ZNF804B: variants seen among roughly 807,000 people sequenced by gnomAD.
ZNF804B encodes the protein zinc finger 804B.
A neutral mutation model predicts 101.4 loss-of-function variants in ZNF804B; 80 were observed. The ratio of observed to expected loss-of-function variants is 0.79; its 90% CI spans 0.66 to 0.95. The LOEUF (loss-of-function observed/expected upper bound fraction) is 0.95, where lower values mean the gene tolerates loss of function less well. Ranked by LOEUF, ZNF804B falls within the 40% of genes least tolerant of loss-of-function variation. The probability of loss-of-function intolerance (pLI) is 0.00; values close to 1 mark genes in which losing one functional copy is unlikely to be tolerated. For synonymous variants in ZNF804B, 622 were observed against 558.8 expected (o/e 1.11, Z -1.59); for missense variants, 1,673 against 1,561.9 (o/e 1.07, Z -1.20).
chr7:89,011,975 G>A (rs950000094), intron 1 of ZNF804B, among the ~76,000 whole-genome samples: 5 of 152,122 alleles, frequency 3.3e-5, no homozygotes, highest in African/African-American at 1.2e-4. Context: ...CTCAATGAGG[G>A]CTCTACCCCT....
chr7:88,931,007 A>T (rs1792876501), intron 1 of ZNF804B, among the ~76,000 whole-genome samples: 1 of 151,834 alleles, frequency 6.6e-6, no homozygotes, highest in African/African-American at 2.4e-5. Flanking sequence ...TTAAGAATTG[A>T]ACCATAACAT....
intron 1 of ZNF804B, among the ~76,000 whole-genome samples, chr7:89,168,325 T>C (rs1485616822): frequency 1.8e-5 from 1 of 54,516 alleles, no homozygotes; most frequent in African/African-American, 5.4e-5. Context: ...TGTGTGTGTA[T>C]ATATATATAT....
chr7:89,145,683 T>C (rs1169665286), intron 1 of ZNF804B, among the ~76,000 whole-genome samples: 1 of 152,028 alleles, frequency 6.6e-6, no homozygotes, highest in East Asian at 1.9e-4. Flanking sequence ...CACAAACATA[T>C]ACTTATTTCC....
At chr7:88,889,955 T>C (rs796201127) in intron 1 of ZNF804B, among the ~76,000 whole-genome samples, 46 of 152,274 alleles carry the variant, frequency 3.0e-4, no homozygotes, top group African/African-American at 1.1e-3. Flanking sequence ...TTTTGTATAT[T>C]GTGAGAGATA....
At chr7:89,156,046 T>TTCTTTCTC (rs1229200006) in intron 1 of ZNF804B, among the ~76,000 whole-genome samples, 8 of 88,718 alleles carry the variant, frequency 9.0e-5, no homozygotes, top group African/African-American at 3.3e-4. Context: ...CTTTCTTTCT[T>TTCTTTCTC]TCTTTCTTTC....
At chr7:88,885,261 T>C (rs1027735535) in intron 1 of ZNF804B, among the ~76,000 whole-genome samples, 2 of 151,848 alleles carry the variant, frequency 1.3e-5, no homozygotes, top group Non-Finnish European at 2.9e-5. Flanking sequence ...AAAATGTCCT[T>C]TGTTTTTCCC....
At chr7:89,200,481 G>C (rs1421739356) in intron 1 of ZNF804B, among the ~76,000 whole-genome samples, 1 of 151,846 alleles carries the variant, frequency 6.6e-6, no homozygotes, top group Admixed American at 6.6e-5. Context: ...GTCTCATGAC[G>C]ACAAACTTCT....
chr7:89,105,673 C>A (rs1333886174), intron 1 of ZNF804B, among the ~76,000 whole-genome samples: 2 of 152,114 alleles, frequency 1.3e-5, no homozygotes, highest in Non-Finnish European at 2.9e-5. Context: ...TTTCGTCTCA[C>A]ACAGCAAGCA....
At chr7:88,927,633 G>GCTCT (rs148581670) in intron 1 of ZNF804B, among the ~76,000 whole-genome samples, 1 of 149,710 alleles carries the variant, frequency 6.7e-6, no homozygotes, top group Non-Finnish European at 1.5e-5. Context: ...TTTCTCTCTT[G>GCTCT]CTCTCTCTCT....
intron 1 of ZNF804B, among the ~76,000 whole-genome samples, chr7:88,936,333 A>G (rs1415212549): frequency 6.6e-6 from 1 of 152,072 alleles, no homozygotes. Flanking sequence ...TGAGGTTTCA[A>G]TAACAGAGTC....
intron 1 of ZNF804B, among the ~76,000 whole-genome samples, chr7:88,865,875 C>T (rs1449927603): frequency 3.3e-5 from 5 of 152,228 alleles, no homozygotes; most frequent in Admixed American, 6.5e-5. Context: ...CTGAATGTCA[C>T]GCCCCTCCTT....
intron 1 of ZNF804B, among the ~76,000 whole-genome samples, chr7:89,047,976 G>T (rs1229035233): frequency 1.3e-5 from 2 of 151,412 alleles, no homozygotes; most frequent in African/African-American, 4.9e-5. Flanking sequence ...ATTTCCATAG[G>T]TTATTTGGGA....
At chr7:88,810,136 G>C (rs1790761717) in intron 1 of ZNF804B, among the ~76,000 whole-genome samples, 1 of 151,922 alleles carries the variant, frequency 6.6e-6, no homozygotes, top group Non-Finnish European at 1.5e-5. Context: ...GATGTGTTTA[G>C]TTTGAAATAT....
intron 1 of ZNF804B, among the ~76,000 whole-genome samples, chr7:88,862,505 T>C (rs1469860233): frequency 6.6e-6 from 1 of 152,154 alleles, no homozygotes; most frequent in Non-Finnish European, 1.5e-5. Flanking sequence ...CTGTAGCTAA[T>C]ACTATAGATA....
chr7:89,253,067 G>GA (rs1315464323), intron 2 of ZNF804B, among the ~76,000 whole-genome samples: 4 of 151,932 alleles, frequency 2.6e-5, no homozygotes, highest in East Asian at 1.9e-4. Flanking sequence ...AATAAGGACA[G>GA]AAAAAAATCT....
chr7:88,922,382 A>G (rs1792731086), intron 1 of ZNF804B, among the ~76,000 whole-genome samples: 1 of 152,090 alleles, frequency 6.6e-6, no homozygotes, highest in Non-Finnish European at 1.5e-5. Context: ...TGTGGTCACC[A>G]GAACTCACAT....
chr7:88,895,072 G>T (rs1184291992), intron 1 of ZNF804B, among the ~76,000 whole-genome samples: 1 of 152,158 alleles, frequency 6.6e-6, no homozygotes, highest in Non-Finnish European at 1.5e-5. Flanking sequence ...ACTGATGGGG[G>T]TATAGATTTT....
In ZNF804B at chr7:88,843,630, G is replaced by A. The variant is rs28709219; in HGVS notation, c.108+83546G>A. Among the ~76,000 whole-genome samples, 353 of 152,056 alleles carry A rather than the reference G, an allele frequency of 2.3e-3. 3 individuals are homozygous for A. The highest frequency in any genetic ancestry group is 8.1e-3 in the African/African-American group (338 of 41,480). ...CAGGTGCCTGTAGTCCCAGCTGTTC[G>A]GGAGGCTGAGGCAGGAGAATCACTT... On this transcript the variant is annotated intron_variant, in intron 1 of 3. Coordinates refer to ENST00000333190, the MANE Select transcript of ZNF804B (RefSeq NM_181646.5).
At chr7:89,065,892 T>C (rs942640534) in intron 1 of ZNF804B, among the ~76,000 whole-genome samples, 1 of 152,176 alleles carries the variant, frequency 6.6e-6, no homozygotes, top group Non-Finnish European at 1.5e-5. Flanking sequence ...TAACCCAGGA[T>C]AATCTTCCCA....
Sources: allele counts gnomAD v4.1 joint callset (sites outside exome capture counted in the v4.1 genomes callset), GRCh38; gene constraint gnomAD v4.1.1; transcripts MANE v1.5; gene names NCBI Gene and HGNC (gene_info 2026-07-23, HGNC 2026-07-21).